EYS: variants seen among roughly 807,000 people sequenced by gnomAD.
The protein encoded by EYS is EGF-like photoreceptor maintenance factor, also known as protein eyes shut homolog.
A neutral mutation model predicts 282.1 loss-of-function variants in EYS; 250 were observed. The ratio of observed to expected loss-of-function variants is 0.89; its 90% CI spans 0.80 to 0.98. EYS has a LOEUF of 0.98. EYS is among the 50% of genes least tolerant of loss of function. The probability of loss-of-function intolerance (pLI) is 0.00; values close to 1 mark genes in which losing one functional copy is unlikely to be tolerated. For synonymous variants in EYS, 1,355 were observed against 1,282.9 expected, an observed-to-expected ratio of 1.06 and a Z score of -1.20; for missense variants, 4,016 against 3,709.0, an observed-to-expected ratio of 1.08 and a Z score of -2.15.
intron 29 of EYS, among the ~76,000 whole-genome samples, chr6:64,352,442 A>G (rs1771675096): frequency 6.6e-6 from 1 of 151,536 alleles, no homozygotes. Flanking sequence ...TTATGAGCAA[A>G]TCTTGAGAAA....
intron 22 of EYS, among the ~76,000 whole-genome samples, chr6:64,774,135 A>G (rs1184332917): frequency 2.6e-5 from 4 of 151,926 alleles, no homozygotes; most frequent in African/African-American, 4.8e-5. Flanking sequence ...AAAATACAGA[A>G]CACTAAATAC....
intron 33 of EYS, among the ~76,000 whole-genome samples, chr6:64,061,228 A>G (rs1338699992): frequency 6.6e-6 from 1 of 152,212 alleles, no homozygotes; most frequent in Admixed American, 6.5e-5. Context: ...AGAATAGAAT[A>G]CTGGGTAAAA....
chr6:64,019,847 T>G (rs1271187645), intron 33 of EYS, among the ~76,000 whole-genome samples: 1 of 113,804 alleles, frequency 8.8e-6, no homozygotes, highest in Admixed American at 7.9e-5. Context: ...TATGTATATA[T>G]AAGTATATAT....
chr6:63,747,255 T>G (rs1769232469), intron 41 of EYS, among the ~76,000 whole-genome samples: 1 of 152,182 alleles, frequency 6.6e-6, no homozygotes, highest in Admixed American at 6.5e-5. Flanking sequence ...AGTTGTGTGG[T>G]TTTGAGTGAG....
chr6:64,751,179 T>C (rs1266585920), intron 22 of EYS, among the ~76,000 whole-genome samples: 1 of 152,164 alleles, frequency 6.6e-6, no homozygotes, highest in Non-Finnish European at 1.5e-5. Context: ...GTTTCTCCAC[T>C]CCTTGCCTGG....
chr6:64,341,753 T>G (rs1771122614), intron 29 of EYS, among the ~76,000 whole-genome samples: 1 of 151,690 alleles, frequency 6.6e-6, no homozygotes, highest in South Asian at 2.1e-4. Context: ...TTCCTTTATC[T>G]TTCATAGATG....
chr6:65,440,804 A>G, intron 5 of EYS, among the ~76,000 whole-genome samples: 1 of 149,114 alleles, frequency 6.7e-6, no homozygotes, highest in South Asian at 2.1e-4. Flanking sequence ...ATACAGTTTT[A>G]GTAACCTGAC....
Position 64,086,501 on chromosome 6 carries a change from T to C in EYS, c.6425-4499A>G, listed in dbSNP as rs73762728. The stretch of plus-strand genomic sequence containing the variant: ...TTTTTAGTGCTTCTACACATACATA[T>C]CTCCTGCTAAGGTTGAACCAACTTT... On this transcript the variant is annotated intron_variant, in intron 31 of 42. Transcript: ENST00000503581. Among the ~76,000 whole-genome samples the C allele has an allele frequency of 5.7e-3, 868 of 152,290 alleles. 8 individuals are homozygous for C. The highest frequency in any genetic ancestry group is 0.019 in the African/African-American group (792 of 41,564).
At chr6:64,492,224 T>C (rs886957956) in intron 26 of EYS, among the ~76,000 whole-genome samples, 1 of 151,108 alleles carries the variant, frequency 6.6e-6, no homozygotes, top group Non-Finnish European at 1.5e-5. Context: ...TTGTCAAAAG[T>C]TCATAAATAT....
At chr6:63,906,992 T>A (rs1172675336) in intron 35 of EYS, among the ~76,000 whole-genome samples, 4 of 151,970 alleles carry the variant, frequency 2.6e-5, no homozygotes, top group African/African-American at 4.8e-5. Context: ...AGTTTCATAG[T>A]GTGTTTATCC....
At chr6:64,107,010 A>G (rs1411150701) in intron 31 of EYS, among the ~76,000 whole-genome samples, 1 of 151,174 alleles carries the variant, frequency 6.6e-6, no homozygotes, top group African/African-American at 2.4e-5. Flanking sequence ...GGTCTCTAAT[A>G]TTCCTTTTTA....
intron 26 of EYS, among the ~76,000 whole-genome samples, chr6:64,554,547 T>C (rs1483471687): frequency 6.6e-6 from 1 of 151,708 alleles, no homozygotes; most frequent in East Asian, 1.9e-4. Flanking sequence ...TTTAGAAACA[T>C]AAACATAAAT....
intron 26 of EYS, among the ~76,000 whole-genome samples, chr6:64,511,241 A>G (rs1046407732): frequency 2.8e-5 from 4 of 143,340 alleles, no homozygotes; most frequent in Non-Finnish European, 6.0e-5. Context: ...TATATATCAT[A>G]TATATATATG....
Position 64,576,245 on chromosome 6 carries a change from C to G in EYS, c.5644+13978G>C, listed in dbSNP as rs375481063. Among the ~76,000 whole-genome samples, 6 of 152,146 alleles carry G rather than the reference C, an allele frequency of 3.9e-5. No homozygotes were observed. The East Asian group carries it at 1.2e-3, about 29-fold the overall frequency. ...TGAGAGTTCGCCAAAATCATGTAAGCAACATTGTGACTTGGCGATCAGTGC... is the reference window on the plus strand; with the variant it reads ...TGAGAGTTCGCCAAAATCATGTAAGGAACATTGTGACTTGGCGATCAGTGC... On this transcript the variant is annotated intron_variant, in intron 26 of 42. Coordinates refer to ENST00000503581, the MANE Select transcript of EYS (RefSeq NM_001142800.2).
At position 64,269,387 on chromosome 6, in the gene EYS, G is replaced by T. The variant is rs181269849; in HGVS notation, c.6191+37583C>A. On this transcript the variant is annotated intron_variant, in intron 30 of 42. Coordinates refer to ENST00000503581, the MANE Select transcript of EYS (RefSeq NM_001142800.2). ...TAAAAATAATTTGTTGAAAAATCCT[G>T]GAGTGATTAATGCTACATCACTTCA... Among the ~76,000 whole-genome samples the T allele has an allele frequency of 3.0e-3, 459 of 152,076 alleles. 4 individuals are homozygous for T. The highest frequency in any genetic ancestry group is 0.011 in the African/African-American group (436 of 41,506).
At chr6:64,620,585 T>C (rs949892848) in intron 23 of EYS, among the ~76,000 whole-genome samples, 6 of 152,200 alleles carry the variant, frequency 3.9e-5, no homozygotes, top group Non-Finnish European at 8.8e-5. Context: ...GTGTCAATCA[T>C]ACCCATTAGT....
At chr6:64,512,075 A>G (rs550652376) in intron 26 of EYS, among the ~76,000 whole-genome samples, 86 of 152,124 alleles carry the variant, frequency 5.7e-4, no homozygotes, top group African/African-American at 1.9e-3. Flanking sequence ...CCTTTTAATT[A>G]TATGTGCATG....
chr6:64,559,731 A>G (rs894648561), intron 26 of EYS, among the ~76,000 whole-genome samples: 3 of 152,068 alleles, frequency 2.0e-5, no homozygotes, highest in African/African-American at 7.2e-5. Flanking sequence ...GAAAATGCAT[A>G]CACATTTTAT....
chr6:65,228,309 C>T lies in EYS; in HGVS notation c.2023+67554G>A, dbSNP rs922311519. Among the ~76,000 whole-genome samples the T allele has an allele frequency of 4.6e-5, 7 of 152,092 alleles. No homozygotes were observed. The East Asian group carries it at 1.4e-3, about 29-fold the overall frequency. Reference sequence around the variant, plus strand: ...ATAATTGTCTATGTGGAATATCCTACTAAATCTATTAAAAATACTGAAACT... The same window carrying T: ...ATAATTGTCTATGTGGAATATCCTATTAAATCTATTAAAAATACTGAAACT... On this transcript the variant is annotated intron_variant, in intron 12 of 42. Coordinates refer to ENST00000503581, the MANE Select transcript of EYS (RefSeq NM_001142800.2).
Sources: gnomAD v4.1 joint callset for allele counts (sites outside exome capture counted in the v4.1 genomes callset) on GRCh38, gnomAD v4.1.1 for gene constraint, MANE v1.5 for transcripts, NCBI Gene and HGNC (gene_info 2026-07-23, HGNC 2026-07-21) for gene names.